Variants in GLRB observed in about 807,000 individuals in gnomAD.
GLRB encodes glycine receptor subunit beta.
GLRB carries 33 observed loss-of-function variants against 54.2 expected under a neutral mutation model. That is an observed-to-expected ratio of 0.61 (90% CI 0.46 to 0.81). GLRB has a LOEUF of 0.81. Ranked by LOEUF, GLRB falls within the 40% of genes least tolerant of loss-of-function variation. The pLI is 0.00. For missense variants in GLRB, 572 were observed against 584.6 expected (o/e 0.98, Z 0.22); for synonymous variants, 209 against 208.2 (o/e 1.00, Z -0.03).
intron 2 of GLRB, among the ~76,000 whole-genome samples, chr4:157,095,305 C>CAA (rs59570434): frequency 1.2e-3 from 91 of 78,974 alleles, no homozygotes; most frequent in South Asian, 2.6e-3. Context: ...TGTGCCTGAG[C>CAA]AAAAAAAAAA....
intron 7 of GLRB, among the ~76,000 whole-genome samples, chr4:157,139,573 A>G (rs1031692001): frequency 2.6e-5 from 4 of 152,094 alleles, no homozygotes; most frequent in Non-Finnish European, 4.4e-5. Flanking sequence ...CAATACTGTC[A>G]TAATATGATT....
At chr4:157,085,852 A>G (rs1372787483) in intron 2 of GLRB, among the ~76,000 whole-genome samples, 4 of 152,134 alleles carry the variant, frequency 2.6e-5, no homozygotes, top group Non-Finnish European at 4.4e-5. Flanking sequence ...GTACTACCAG[A>G]TGGTTCTTGA....
At chr4:157,094,365 A>G (rs949397962) in intron 2 of GLRB, among the ~76,000 whole-genome samples, 1 of 152,190 alleles carries the variant, frequency 6.6e-6, no homozygotes, top group Non-Finnish European at 1.5e-5. Context: ...TCACAGTGTT[A>G]TATGTAACAT....
chr4:157,150,420 A>G (rs1294163022), intron 8 of GLRB, among the ~76,000 whole-genome samples: 2 of 151,784 alleles, frequency 1.3e-5, no homozygotes, highest in Non-Finnish European at 2.9e-5. Context: ...AATTATGAAT[A>G]CTCCCCTTTT....
At chr4:157,148,959 G>A (rs958874771) in intron 8 of GLRB, among the ~76,000 whole-genome samples, 1 of 152,022 alleles carries the variant, frequency 6.6e-6, no homozygotes, top group African/African-American at 2.4e-5. Context: ...CAGGTATTTG[G>A]AAGGTCTGTT....
At chr4:157,079,687 A>G (rs1734157402) in intron 2 of GLRB, among the ~76,000 whole-genome samples, 1 of 152,180 alleles carries the variant, frequency 6.6e-6, no homozygotes, top group South Asian at 2.1e-4. Context: ...TTCAGGAATA[A>G]CCACAATCTA....
At chr4:157,109,122 G>T (rs1391399876) in intron 2 of GLRB, among the ~76,000 whole-genome samples, 2 of 152,028 alleles carry the variant, frequency 1.3e-5, no homozygotes, top group Non-Finnish European at 2.9e-5. Flanking sequence ...ACATTTGTAT[G>T]ACTAACTTTA....
chr4:157,157,594 GGT>G lies in GLRB; in HGVS notation c.1197+4587_1197+4588del, dbSNP rs1252760103. 5.3e-5 allele frequency among the ~76,000 whole-genome samples: 8 copies of G among 152,166 alleles called. 1 individual carries two copies. In the South Asian group the frequency reaches 1.5e-3, roughly 28 times the overall value. On this transcript the variant is annotated intron_variant, in intron 9 of 9. Coordinates refer to ENST00000264428, the MANE Select transcript of GLRB (RefSeq NM_000824.5). ...CTATGAGTGAGAACATGCTGTGTTTGGTGTTCTGTCTTTGCGATAGTTTGCTC... is the reference window on the plus strand; with the variant it reads ...CTATGAGTGAGAACATGCTGTGTTTGGTTCTGTCTTTGCGATAGTTTGCTC...
At chr4:157,104,528 GT>G (rs142545665) in intron 2 of GLRB, among the ~76,000 whole-genome samples, 47 of 147,532 alleles carry the variant, frequency 3.2e-4, no homozygotes, top group East Asian at 7.9e-4. Context: ...CTTTTGATGT[GT>G]TTTTTTTTTC....
intron 4 of GLRB, among the ~76,000 whole-genome samples, chr4:157,132,279 G>C (rs1736244306): frequency 6.6e-6 from 1 of 151,580 alleles, no homozygotes; most frequent in African/African-American, 2.4e-5. Flanking sequence ...TGAGTTTCAA[G>C]AGTTCTTTGT....
At position 157,114,750 on chromosome 4, in the gene GLRB, T is replaced by C. The variant is rs115937886; in HGVS notation, c.123-5806T>C. Among the ~76,000 whole-genome samples the C allele has an allele frequency of 8.0e-3, 1,216 of 151,922 alleles. 21 individuals carry two copies. The highest frequency in any genetic ancestry group is 0.028 in the African/African-American group (1,161 of 41,488). ...TGTCCTTCAGATGGGATTTATCGGA[T>C]GTGTTTCCCATGACTAGACTAGGTT... On this transcript the variant is annotated intron_variant, in intron 2 of 9. Transcript: ENST00000264428.
chr4:157,152,957 A>G lies in GLRB; in HGVS notation c.1144A>G (p.Lys382Glu). The G allele has an allele frequency of 6.2e-7, 1 of 1,613,960 alleles. No individual in the cohort carries two copies. The highest frequency in any genetic ancestry group is 8.5e-7 in the Non-Finnish European group (1 of 1,179,888). Residue 382 changes from lysine (K) to glutamate (E), a missense_variant, in exon 9 of 10, where the codon AAA (lysine) becomes GAA (glutamate). By Grantham distance (56) the Lys-to-Glu change is moderately conservative. Coordinates refer to ENST00000264428, the MANE Select transcript of GLRB (RefSeq NM_000824.5). ...AGATGGAAAAGGTGGAAATGTGGCT[A>G]AAAAGAATACTGTGAATGGAACAGG... ...QADGKGGNVA[K>E]KNTVNGTGTP...
At chr4:157,098,749 G>A (rs1734908195) in intron 2 of GLRB, among the ~76,000 whole-genome samples, 1 of 151,928 alleles carries the variant, frequency 6.6e-6, no homozygotes, top group South Asian at 2.1e-4. Context: ...GGGATTACAG[G>A]CATGCACCAC....
intron 9 of GLRB, among the ~76,000 whole-genome samples, chr4:157,169,761 T>A (rs1737847883): frequency 6.6e-6 from 1 of 152,152 alleles, no homozygotes; most frequent in South Asian, 2.1e-4. Context: ...ATTCAGAAAT[T>A]AGTGACTGAA....
intron 4 of GLRB, among the ~76,000 whole-genome samples, chr4:157,134,686 C>A (rs933693210): frequency 6.6e-6 from 1 of 152,064 alleles, no homozygotes; most frequent in Non-Finnish European, 1.5e-5. Context: ...CTGAAATGCT[C>A]TTGTCAAGAA....
chr4:157,164,945 C>A (rs973979705), intron 9 of GLRB, among the ~76,000 whole-genome samples: 20 of 151,984 alleles, frequency 1.3e-4, no homozygotes, highest in African/African-American at 4.8e-4. Flanking sequence ...TATTTTAATT[C>A]TCTATGTTTT....
intron 2 of GLRB, among the ~76,000 whole-genome samples, chr4:157,090,959 G>C (rs1734587883): frequency 1.3e-5 from 2 of 152,098 alleles, no homozygotes; most frequent in Admixed American, 1.3e-4. Flanking sequence ...AAAGTTACAG[G>C]TTCTCTTCAT....
At chr4:157,148,695 A>G (rs2126593727) in intron 8 of GLRB, among the ~76,000 whole-genome samples, 1 of 152,266 alleles carries the variant, frequency 6.6e-6, no homozygotes, top group African/African-American at 2.4e-5. Flanking sequence ...CATCTTTGTC[A>G]GAGAATATAC....
At chr4:157,122,266 A>T in intron 3 of GLRB, 64 bp from the exon 4 acceptor site, 1 of 674,572 alleles carries the variant, frequency 1.5e-6, no homozygotes. Flanking sequence ...AAACCAAAAA[A>T]ACTATGATGA....
Sources: gnomAD v4.1 joint callset for allele counts (sites outside exome capture counted in the v4.1 genomes callset) on GRCh38, gnomAD v4.1.1 for gene constraint, MANE v1.5 for transcripts, NCBI Gene and HGNC (gene_info 2026-07-23, HGNC 2026-07-21) for gene names.